SLC10A7: variants seen among roughly 807,000 people sequenced by gnomAD.
The protein encoded by SLC10A7 is sodium/bile acid cotransporter 7.
A neutral mutation model predicts 43.2 loss-of-function variants in SLC10A7; 29 were observed. The observed-to-expected ratio is 0.67, with a 90% CI of 0.50 to 0.92. SLC10A7 has a LOEUF of 0.92. Among genes scored for constraint, SLC10A7 ranks in the 40% least tolerant of loss-of-function variants. SLC10A7 has a pLI of 0.00. For missense variants in SLC10A7, 295 were observed against 403.2 expected, an observed-to-expected ratio of 0.73 and a Z score of 2.30; for synonymous variants, 152 against 144.8, an observed-to-expected ratio of 1.05 and a Z score of -0.35.
At chr4:146,279,723 G>A (rs979723599) in intron 10 of SLC10A7, among the ~76,000 whole-genome samples, 4 of 152,084 alleles carry the variant, frequency 2.6e-5, no homozygotes, top group South Asian at 2.1e-4. Context: ...CTTCCTGAAC[G>A]AACTCCAGGG....
At chr4:146,377,374 A>C (rs1737280482) in intron 5 of SLC10A7, among the ~76,000 whole-genome samples, 1 of 152,210 alleles carries the variant, frequency 6.6e-6, no homozygotes, top group Admixed American at 6.5e-5. Context: ...GTTAACACTT[A>C]GCCATCTGTG....
chr4:146,322,515 C>T (rs1205193700), intron 6 of SLC10A7, among the ~76,000 whole-genome samples: 4 of 151,932 alleles, frequency 2.6e-5, no homozygotes, highest in African/African-American at 9.7e-5. Flanking sequence ...TGATGGTTTC[C>T]AGCTTCATCC....
intron 4 of SLC10A7, among the ~76,000 whole-genome samples, chr4:146,455,101 C>G (rs1560924915): frequency 1.3e-5 from 2 of 151,742 alleles, no homozygotes; most frequent in Non-Finnish European, 2.9e-5. Context: ...AAATGCTTCT[C>G]TAATTATTCA....
At chr4:146,450,383 G>A (rs371960010) in intron 4 of SLC10A7, among the ~76,000 whole-genome samples, 25 of 152,104 alleles carry the variant, frequency 1.6e-4, no homozygotes, top group Non-Finnish European at 3.1e-4. Context: ...AAATGTCATT[G>A]TATATCAGGG....
Position 146,300,020 on chromosome 4 carries a change from T to C in SLC10A7, c.555+5906A>G, listed in dbSNP as rs545929641. On this transcript the variant is annotated intron_variant, in intron 7 of 11. Coordinates refer to ENST00000335472, the MANE Select transcript of SLC10A7 (RefSeq NM_001029998.6). The stretch of plus-strand genomic sequence containing the variant: ...GTTGGCTTTAACCAGGGTTGGGGCT[T>C]TTTGAGCAAGTACATCAAAGGGAGA... 2.0e-5 allele frequency among the ~76,000 whole-genome samples: 3 copies of C among 152,260 alleles called. No homozygotes were observed. In the East Asian group the frequency reaches 5.8e-4, roughly 29 times the overall value.
chr4:146,286,773 T>A (rs1384529358), intron 9 of SLC10A7, among the ~76,000 whole-genome samples: 2 of 149,586 alleles, frequency 1.3e-5, no homozygotes, highest in Non-Finnish European at 1.5e-5. Context: ...AGAAGGACTG[T>A]GTTTGGAGTG....
chr4:146,276,130 G>A (rs940811226), intron 10 of SLC10A7, among the ~76,000 whole-genome samples: 5 of 152,286 alleles, frequency 3.3e-5, no homozygotes, highest in Admixed American at 6.5e-5. Context: ...AGATATCAAT[G>A]AGAACCCATT....
intron 5 of SLC10A7, among the ~76,000 whole-genome samples, chr4:146,349,133 G>T (rs1734834020): frequency 6.6e-6 from 1 of 152,044 alleles, no homozygotes; most frequent in African/African-American, 2.4e-5. Flanking sequence ...AACAATTCCA[G>T]CATATTTAAA....
intron 9 of SLC10A7, among the ~76,000 whole-genome samples, chr4:146,283,849 G>A (rs1385594142): frequency 6.6e-6 from 1 of 152,058 alleles, no homozygotes; most frequent in Non-Finnish European, 1.5e-5. Context: ...GAAAACTGAG[G>A]CACACAGAAG....
At chr4:146,355,910 G>A in intron 5 of SLC10A7, among the ~76,000 whole-genome samples, 1 of 108,800 alleles carries the variant, frequency 9.2e-6, no homozygotes, top group African/African-American at 3.4e-5. Context: ...GAGGGGGGAG[G>A]GATAGCACTG....
At chr4:146,504,747 T>G (rs1327128808) in intron 3 of SLC10A7, among the ~76,000 whole-genome samples, 3 of 152,164 alleles carry the variant, frequency 2.0e-5, no homozygotes, top group Admixed American at 2.0e-4. Flanking sequence ...AATCTTCATC[T>G]CACAAAAGAC....
chr4:146,413,461 T>C (rs750669517), intron 5 of SLC10A7, among the ~76,000 whole-genome samples: 1 of 152,182 alleles, frequency 6.6e-6, no homozygotes, highest in Non-Finnish European at 1.5e-5. Context: ...CATAGACTCA[T>C]ATTTAATCAT....
intron 10 of SLC10A7, among the ~76,000 whole-genome samples, chr4:146,281,898 A>G (rs1448622786): frequency 6.6e-6 from 1 of 152,158 alleles, no homozygotes; most frequent in African/African-American, 2.4e-5. Context: ...ACATCAATCT[A>G]CTTACAGTAT....
Position 146,325,976 on chromosome 4 carries a change from C to T in SLC10A7, c.456G>A (p.Leu152=), listed in dbSNP as rs752299364. 1 of 1,612,002 alleles carries T rather than the reference C, an allele frequency of 6.2e-7. No individual in the cohort carries two copies. The highest frequency in any genetic ancestry group is 2.2e-5 in the East Asian group (1 of 44,800). ...GSFLGIVITP[L]LLLLFLGSSS... The stretch of plus-strand genomic sequence containing the variant: ...AAATACTCACAAAAAGCAGCAGGAG[C>T]AGGGGTGTTATAACGATGCCCTGAA... The change falls in exon 6 of 12, where the codon CTG becomes CTA. Residue 152 remains leucine (L), a synonymous_variant. Coordinates refer to ENST00000335472, the MANE Select transcript of SLC10A7 (RefSeq NM_001029998.6).
intron 5 of SLC10A7, among the ~76,000 whole-genome samples, chr4:146,348,376 T>C (rs777944252): frequency 1.3e-5 from 2 of 152,214 alleles, no homozygotes; most frequent in Admixed American, 6.5e-5. Context: ...TCAATAAATT[T>C]AGTTTTACAC....
intron 5 of SLC10A7, among the ~76,000 whole-genome samples, chr4:146,412,751 T>C (rs1272052680): frequency 6.6e-6 from 1 of 152,016 alleles, no homozygotes; most frequent in Non-Finnish European, 1.5e-5. Flanking sequence ...GGAGGAGAAA[T>C]GGGGAGCAGT....
chr4:146,422,447 A>G (rs1438207985), intron 5 of SLC10A7, among the ~76,000 whole-genome samples: 3 of 152,000 alleles, frequency 2.0e-5, no homozygotes, highest in Admixed American at 2.0e-4. Context: ...TAGAAGAAAA[A>G]CTCTTTTTCA....
At chr4:146,377,849 T>C (rs1180926507) in intron 5 of SLC10A7, among the ~76,000 whole-genome samples, 4 of 151,860 alleles carry the variant, frequency 2.6e-5, no homozygotes, top group African/African-American at 9.7e-5. Flanking sequence ...ATCTTTTGAA[T>C]AAAAAAAATA....
chr4:146,470,781 T>C (rs1007588895), intron 4 of SLC10A7, among the ~76,000 whole-genome samples: 1 of 152,242 alleles, frequency 6.6e-6, no homozygotes. Flanking sequence ...TTGCTGACTC[T>C]GAAATTCCTC....
Sources: allele counts gnomAD v4.1 joint callset (sites outside exome capture counted in the v4.1 genomes callset), GRCh38; gene constraint gnomAD v4.1.1; transcripts MANE v1.5; gene names NCBI Gene and HGNC (gene_info 2026-07-23, HGNC 2026-07-21).